Variants in CCDC85A observed in about 807,000 individuals in gnomAD.
CCDC85A encodes the protein coiled-coil domain-containing protein 85A.
In CCDC85A, 38 loss-of-function variants were observed where a neutral mutation model predicts 50.2. That is an observed-to-expected ratio of 0.76 (90% CI 0.58 to 0.99). CCDC85A has a LOEUF of 0.99. CCDC85A is among the 50% of genes least tolerant of loss of function. CCDC85A has a pLI of 0.00. For missense variants in CCDC85A, 820 were observed against 742.0 expected, an observed-to-expected ratio of 1.11 and a Z score of -1.22; for synonymous variants, 366 against 301.4, an observed-to-expected ratio of 1.21 and a Z score of -2.22.
At chr2:56,240,609 C>G (rs1484592868) in intron 2 of CCDC85A, among the ~76,000 whole-genome samples, 1 of 152,144 alleles carries the variant, frequency 6.6e-6, no homozygotes, top group African/African-American at 2.4e-5. Flanking sequence ...TTTGCCTATT[C>G]TGGACATATC....
chr2:56,359,528 A>T (rs1196721536), intron 3 of CCDC85A, among the ~76,000 whole-genome samples: 1 of 152,250 alleles, frequency 6.6e-6, no homozygotes, highest in Non-Finnish European at 1.5e-5. Context: ...AAAATGGCAC[A>T]GGCTTATCTT....
At chr2:56,210,609 T>C (rs1234178609) in intron 2 of CCDC85A, among the ~76,000 whole-genome samples, 1 of 152,006 alleles carries the variant, frequency 6.6e-6, no homozygotes, top group Admixed American at 6.6e-5. Context: ...GGAGGTAACT[T>C]TACTCACGTA....
intron 2 of CCDC85A, among the ~76,000 whole-genome samples, chr2:56,232,200 A>G (rs1668802244): frequency 6.6e-6 from 1 of 152,074 alleles, no homozygotes; most frequent in Non-Finnish European, 1.5e-5. Flanking sequence ...AACACCTGAT[A>G]CCTATTCAGC....
chr2:56,228,894 T>C (rs1668659695), intron 2 of CCDC85A, among the ~76,000 whole-genome samples: 1 of 152,216 alleles, frequency 6.6e-6, no homozygotes, highest in African/African-American at 2.4e-5. Flanking sequence ...AGTTGAGATA[T>C]GTTTTTAACT....
chr2:56,348,024 TGTAATGCTGAG>T (rs1224282287), intron 3 of CCDC85A, among the ~76,000 whole-genome samples: 1 of 152,196 alleles, frequency 6.6e-6, no homozygotes, highest in African/African-American at 2.4e-5. Flanking sequence ...ACTATTCACA[TGTAATGCTGAG>T]GTAAAAGTTA....
chr2:56,383,295 T>G (rs779743695), intron 5 of CCDC85A, among the ~76,000 whole-genome samples: 6 of 152,018 alleles, frequency 3.9e-5, no homozygotes. Context: ...ACTAGTTTTG[T>G]GTTCACGTCA....
chr2:56,319,006 G>T (rs142661847), intron 2 of CCDC85A, among the ~76,000 whole-genome samples: 134 of 152,192 alleles, frequency 8.8e-4, no homozygotes, highest in African/African-American at 2.9e-3. Flanking sequence ...TAGATCTGCC[G>T]TCATGATGCT....
chr2:56,352,861 G>T (rs1188338927), intron 3 of CCDC85A, among the ~76,000 whole-genome samples: 2 of 152,080 alleles, frequency 1.3e-5, no homozygotes, highest in Non-Finnish European at 2.9e-5. Context: ...AGACCAGGAG[G>T]ACACCCTTAA....
intron 2 of CCDC85A, among the ~76,000 whole-genome samples, chr2:56,211,653 T>C (rs184768454): frequency 1.3e-5 from 2 of 152,182 alleles, no homozygotes; most frequent in Admixed American, 1.3e-4. Context: ...ATTTCCCTGG[T>C]TGGAATACTG....
chr2:56,197,269 A>T (rs1037143998), intron 2 of CCDC85A, among the ~76,000 whole-genome samples: 1 of 152,082 alleles, frequency 6.6e-6, no homozygotes, highest in Non-Finnish European at 1.5e-5. Flanking sequence ...ATGCTGCCTT[A>T]TGCATTTAAG....
intron 2 of CCDC85A, among the ~76,000 whole-genome samples, chr2:56,326,121 A>G (rs1411826759): frequency 2.0e-5 from 3 of 152,110 alleles, no homozygotes; most frequent in African/African-American, 7.2e-5. Flanking sequence ...TATGTTCTCC[A>G]GCAGTGAGGA....
At chr2:56,303,596 G>A (rs1237503667) in intron 2 of CCDC85A, among the ~76,000 whole-genome samples, 1 of 152,110 alleles carries the variant, frequency 6.6e-6, no homozygotes, top group Non-Finnish European at 1.5e-5. Context: ...GTGAGTGGAA[G>A]ACTTGGGAGA....
chr2:56,261,020 C>T (rs1231307900), intron 2 of CCDC85A, among the ~76,000 whole-genome samples: 1 of 152,192 alleles, frequency 6.6e-6, no homozygotes, highest in African/African-American at 2.4e-5. Context: ...TGAAAACTGT[C>T]TGATTTAGTA....
intron 2 of CCDC85A, among the ~76,000 whole-genome samples, chr2:56,290,650 A>T (rs910681446): frequency 2.0e-5 from 3 of 152,250 alleles, no homozygotes; most frequent in African/African-American, 7.2e-5. Flanking sequence ...TGGTCTATAG[A>T]TAATTGATTT....
At chr2:56,276,476 G>A (rs6545562) in intron 2 of CCDC85A, among the ~76,000 whole-genome samples, 1 of 151,926 alleles carries the variant, frequency 6.6e-6, no homozygotes, top group African/African-American at 2.4e-5. Flanking sequence ...AATTATGGGG[G>A]CAAGTCTTTC....
chr2:56,321,577 A>G (rs878995222), intron 2 of CCDC85A, among the ~76,000 whole-genome samples: 1 of 152,180 alleles, frequency 6.6e-6, no homozygotes, highest in Non-Finnish European at 1.5e-5. Context: ...TAGGAATCCA[A>G]CTTACAAGGG....
chr2:56,286,879 C>G (rs1671469687), intron 2 of CCDC85A, among the ~76,000 whole-genome samples: 1 of 152,110 alleles, frequency 6.6e-6, no homozygotes, highest in South Asian at 2.1e-4. Context: ...AGTTAAATTA[C>G]TGGTGGGTTT....
At chr2:56,275,471 CATATAG>C (rs1670890550) in intron 2 of CCDC85A, among the ~76,000 whole-genome samples, 5 of 66,718 alleles carry the variant, frequency 7.5e-5, no homozygotes, top group South Asian at 8.5e-4. Context: ...TATTTAACAT[CATATAG>C]ACCTTACACC....
intron 2 of CCDC85A, among the ~76,000 whole-genome samples, chr2:56,308,403 C>T (rs189797666): frequency 4.7e-4 from 71 of 152,156 alleles, no homozygotes; most frequent in African/African-American, 1.7e-3. Context: ...GGTTTTATTT[C>T]GGAAGCTGCT....
Sources: gnomAD v4.1 joint callset for allele counts (sites outside exome capture counted in the v4.1 genomes callset) on GRCh38, gnomAD v4.1.1 for gene constraint, MANE v1.5 for transcripts, NCBI Gene and HGNC (gene_info 2026-07-23, HGNC 2026-07-21) for gene names.